The following SYNDIG1 variants were observed in gnomAD, a reference collection of about 807,000 sequenced individuals.
SYNDIG1 encodes synapse differentiation inducing 1, also known as synapse differentiation-inducing gene protein 1.
SYNDIG1 carries 9 observed loss-of-function variants against 19.4 expected under a neutral mutation model. That is an observed-to-expected ratio of 0.46 (90% CI 0.28 to 0.81). SYNDIG1 has a LOEUF of 0.81. Ranked by LOEUF, SYNDIG1 falls within the 30% of genes least tolerant of loss-of-function variation. SYNDIG1 has a pLI of 0.12. For missense variants in SYNDIG1, 311 were observed against 343.3 expected, an observed-to-expected ratio of 0.91 and a Z score of 0.74; for synonymous variants, 141 against 145.9, an observed-to-expected ratio of 0.97 and a Z score of 0.24.
At chr20:24,532,630 A>T (rs1947163283) in intron 1 of SYNDIG1, among the ~76,000 whole-genome samples, 1 of 152,212 alleles carries the variant, frequency 6.6e-6, no homozygotes, top group Non-Finnish European at 1.5e-5. Context: ...CAATTATTTT[A>T]AAAAATGAAT....
chr20:24,572,464 C>T (rs955754577), intron 2 of SYNDIG1, among the ~76,000 whole-genome samples: 1 of 152,218 alleles, frequency 6.6e-6, no homozygotes, highest in African/African-American at 2.4e-5. Context: ...ATTTAAGGCT[C>T]TCAAACTGCA....
intron 3 of SYNDIG1, among the ~76,000 whole-genome samples, chr20:24,660,255 C>T (rs770621726): frequency 2.0e-5 from 3 of 152,212 alleles, no homozygotes; most frequent in Non-Finnish European, 4.4e-5. Context: ...TAAATGTCCA[C>T]TCATTTACGG....
chr20:24,507,584 A>G lies in SYNDIG1; in HGVS notation c.-78-35436A>G, dbSNP rs537218342. ...GCCTGGAGCCGTGAATGTGGCCTGC[A>G]GAAGAGTCCCCTTGCCTGCACCTGC... On this transcript the variant is annotated intron_variant, in intron 1 of 3. Transcript: ENST00000376862. Among the ~76,000 whole-genome samples the G allele has an allele frequency of 3.3e-5, 5 of 152,320 alleles. No homozygotes were observed. The East Asian group carries it at 9.7e-4, about 29-fold the overall frequency.
chr20:24,480,610 A>C (rs1437337098), intron 1 of SYNDIG1, among the ~76,000 whole-genome samples: 2 of 152,270 alleles, frequency 1.3e-5, no homozygotes, highest in Non-Finnish European at 2.9e-5. Flanking sequence ...ATGATCCAGC[A>C]GTCCCACTTC....
chr20:24,576,376 G>A (rs933918647), intron 2 of SYNDIG1, among the ~76,000 whole-genome samples: 1 of 152,282 alleles, frequency 6.6e-6, no homozygotes. Flanking sequence ...CATTGCCCAC[G>A]ATTTCATTTT....
intron 1 of SYNDIG1, among the ~76,000 whole-genome samples, chr20:24,493,760 C>A (rs1016577567): frequency 6.6e-6 from 1 of 152,114 alleles, no homozygotes; most frequent in South Asian, 2.1e-4. Context: ...GTGTGAGGAG[C>A]TTTACCCCCA....
Position 24,658,350 on chromosome 20 carries a change from G to A in SYNDIG1, c.619-6996G>A, listed in dbSNP as rs967341837. Among the ~76,000 whole-genome samples the A allele has an allele frequency of 5.9e-5, 9 of 152,082 alleles. No homozygotes were observed. Among genetic ancestry groups the A allele is most frequent in the African/African-American group, 2.2e-4 (9 of 41,406 alleles). ...CGGCAGGGGACTGGAGCTCGGTGGA[G>A]TGGACTCTGCCTCGGGGTCACTGAG... On this transcript the variant is annotated intron_variant, in intron 3 of 3. Coordinates refer to ENST00000376862, the MANE Select transcript of SYNDIG1 (RefSeq NM_024893.3). The surrounding 1 kb of genome is among the most constrained non-coding windows in gnomAD (Gnocchi z 4.4).
chr20:24,605,229 A>T (rs2058737580), intron 3 of SYNDIG1, among the ~76,000 whole-genome samples: 1 of 152,200 alleles, frequency 6.6e-6, no homozygotes, highest in South Asian at 2.1e-4. Context: ...TCCCTGGGTG[A>T]GTGACATGTA....
chr20:24,645,271 ATTAC>A (rs1331238303), intron 3 of SYNDIG1, among the ~76,000 whole-genome samples: 1 of 152,200 alleles, frequency 6.6e-6, no homozygotes, highest in African/African-American at 2.4e-5. Context: ...ACCCATGTTA[ATTAC>A]TTTTTTCATA....
At chr20:24,556,295 G>T (rs2057815753) in intron 2 of SYNDIG1, among the ~76,000 whole-genome samples, 1 of 152,086 alleles carries the variant, frequency 6.6e-6, no homozygotes. Flanking sequence ...GGAGCATTTA[G>T]TCCATTTACA....
chr20:24,471,872 T>C (rs1020401510), intron 1 of SYNDIG1, among the ~76,000 whole-genome samples: 4 of 152,200 alleles, frequency 2.6e-5, no homozygotes, highest in African/African-American at 9.6e-5. Flanking sequence ...TCATGACACA[T>C]TGTATACGCA....
At chr20:24,612,905 G>T (rs1471076683) in intron 3 of SYNDIG1, among the ~76,000 whole-genome samples, 1 of 152,232 alleles carries the variant, frequency 6.6e-6, no homozygotes, top group Non-Finnish European at 1.5e-5. Flanking sequence ...GCCATCACAT[G>T]CTGAGCGCTT....
At chr20:24,586,338 T>G (rs970942994) in intron 3 of SYNDIG1, among the ~76,000 whole-genome samples, 1 of 152,190 alleles carries the variant, frequency 6.6e-6, no homozygotes, top group African/African-American at 2.4e-5. Flanking sequence ...GTCCCACAAA[T>G]GCCACAGAAC....
intron 3 of SYNDIG1, among the ~76,000 whole-genome samples, chr20:24,594,080 G>T (rs919868711): frequency 2.6e-5 from 4 of 152,060 alleles, no homozygotes; most frequent in African/African-American, 9.7e-5. Flanking sequence ...TATTGTTTTT[G>T]ATGTCTTCAC....
chr20:24,511,853 A>C (rs1178834362), intron 1 of SYNDIG1, among the ~76,000 whole-genome samples: 2 of 151,950 alleles, frequency 1.3e-5, no homozygotes, highest in Admixed American at 6.6e-5. Context: ...TGGCAATATG[A>C]CGTCTGTCTT....
chr20:24,585,113 G>T lies in SYNDIG1; in HGVS notation c.618+120G>T. The T allele has an allele frequency of 1.4e-5, 18 of 1,332,196 alleles. No homozygotes were observed. The South Asian group carries it at 2.1e-4, about 15-fold the overall frequency. The allele number at this position is 1,332,196 out of a possible 1,614,324, so 82.5% of individuals were successfully genotyped here. On this transcript the variant is annotated intron_variant, in intron 3 of 3. Coordinates refer to ENST00000376862, the MANE Select transcript of SYNDIG1 (RefSeq NM_024893.3). The stretch of plus-strand genomic sequence containing the variant: ...CCCAAACAGCTCCTGCTACAGCTGG[G>T]TCGGCACTTGCCCAGTTGGAGGATA...
intron 1 of SYNDIG1, among the ~76,000 whole-genome samples, chr20:24,500,402 T>A (rs537461985): frequency 6.6e-6 from 1 of 152,296 alleles, no homozygotes; most frequent in Admixed American, 6.5e-5. Flanking sequence ...CCACAAAACA[T>A]TGGGCTGTTC....
At chr20:24,479,613 T>C (rs1305711295) in intron 1 of SYNDIG1, among the ~76,000 whole-genome samples, 1 of 152,136 alleles carries the variant, frequency 6.6e-6, no homozygotes, top group Non-Finnish European at 1.5e-5. Flanking sequence ...TCCTCATCAC[T>C]AGATCTAAGT....
chr20:24,642,816 C>T (rs2059391180), intron 3 of SYNDIG1, among the ~76,000 whole-genome samples: 1 of 152,056 alleles, frequency 6.6e-6, no homozygotes. Context: ...AGCCCTGGTT[C>T]TTTCATTAGA....
Sources: allele counts gnomAD v4.1 joint callset (sites outside exome capture counted in the v4.1 genomes callset), GRCh38; gene constraint gnomAD v4.1.1; non-coding constraint Gnocchi (gnomAD v3.1); transcripts MANE v1.5; gene names NCBI Gene and HGNC (gene_info 2026-07-23, HGNC 2026-07-21).